RASSF2: variants seen among roughly 807,000 people sequenced by gnomAD.
The protein encoded by RASSF2 is ras association domain-containing protein 2.
A neutral mutation model predicts 46.3 loss-of-function variants in RASSF2; 34 were observed. The ratio of observed to expected loss-of-function variants is 0.73; its 90% CI spans 0.56 to 0.98. The LOEUF (loss-of-function observed/expected upper bound fraction) is 0.98. Ranked by LOEUF, RASSF2 falls within the 50% of genes least tolerant of loss-of-function variation. RASSF2 has a pLI of 0.00. For missense variants in RASSF2, 364 were observed against 431.2 expected, an observed-to-expected ratio of 0.84 and a Z score of 1.38; for synonymous variants, 158 against 162.5, an observed-to-expected ratio of 0.97 and a Z score of 0.21.
Position 4,790,799 on chromosome 20 carries a change from A to G in RASSF2, c.377-188T>C, listed in dbSNP as rs1925809116. ...AGAACCTATACAAGGAAAAGTTCAG[A>G]GAACAGACTTCAGAGCCGGACTCCC... On this transcript the variant is annotated intron_variant, in intron 6 of 11. Transcript: ENST00000379400. This position sits in a 1 kb window ranked among gnomAD's most constrained non-coding sequence, Gnocchi z 4.3. 6.6e-6 allele frequency among the ~76,000 whole-genome samples: 1 copy of G among 152,254 alleles called. No homozygotes were observed. The highest frequency in any genetic ancestry group is 2.4e-5 in the African/African-American group (1 of 41,472).
At chr20:4,794,773 G>A (rs934812305) in intron 5 of RASSF2, among the ~76,000 whole-genome samples, 1 of 152,176 alleles carries the variant, frequency 6.6e-6, no homozygotes, top group Non-Finnish European at 1.5e-5. Flanking sequence ...TGCAAAGTTA[G>A]ATGAAACCAA....
rs956494134 is a variant in RASSF2 at position 4,782,589 on chromosome 20, A to G, written c.*1684T>C. On this transcript the variant is annotated 3_prime_UTR_variant, in exon 12 of 12. Coordinates refer to ENST00000379400, the MANE Select transcript of RASSF2 (RefSeq NM_014737.3). Reference sequence around the variant, plus strand: ...GGCGAAATGCCAGGGGCCGCATGCCATCTTTCTGCAGTCTACGTTAAGACC... The same window carrying G: ...GGCGAAATGCCAGGGGCCGCATGCCGTCTTTCTGCAGTCTACGTTAAGACC... 1 of 152,436 alleles carries G rather than the reference A, an allele frequency of 6.6e-6. No individual in the cohort carries two copies. The highest frequency in any genetic ancestry group is 1.5e-5 in the Non-Finnish European group (1 of 68,072). The allele number at this position is 152,436 out of a possible 1,614,324, so 9.4% of individuals were successfully genotyped here.
rs907084313 is a variant in RASSF2, at chr20:4,795,683, T to G, written c.287+132A>C. The G allele has an allele frequency of 5.4e-6, 6 of 1,100,956 alleles. No homozygotes were observed. Among genetic ancestry groups the G allele is most frequent in the Non-Finnish European group, 7.7e-6 (6 of 783,480 alleles). 68.2% of individuals were successfully genotyped at this position (1,100,956 alleles called of 1,614,324 possible). ...TTCCTCATTCCAAGGCTAAGGCAGG[T>G]GGGCAGTAGAGGTAGTAGGAGGAGG... On this transcript the variant is annotated intron_variant, in intron 5 of 11. Transcript: ENST00000379400. This position sits in a 1 kb window ranked among gnomAD's most constrained non-coding sequence, Gnocchi z 4.0.
At chr20:4,813,250 C>G (rs1927981241) in intron 2 of RASSF2, among the ~76,000 whole-genome samples, 1 of 152,208 alleles carries the variant, frequency 6.6e-6, no homozygotes, top group Admixed American at 6.5e-5. Flanking sequence ...GCCTGGCCCA[C>G]CGACACAGGA....
chr20:4,789,321 G>A (rs6052877), intron 8 of RASSF2, among the ~76,000 whole-genome samples: 1 of 152,116 alleles, frequency 6.6e-6, no homozygotes, highest in Admixed American at 6.5e-5. Context: ...ATCCCCTGCA[G>A]GCTTGTTAGA....
At chr20:4,817,455 C>G (rs1393960249) in intron 2 of RASSF2, among the ~76,000 whole-genome samples, 1 of 152,210 alleles carries the variant, frequency 6.6e-6, no homozygotes, top group Non-Finnish European at 1.5e-5. Flanking sequence ...TTTCTCCACA[C>G]AGACTTTTCT....
intron 2 of RASSF2, among the ~76,000 whole-genome samples, chr20:4,819,484 G>A (rs1256045493): frequency 6.6e-6 from 1 of 152,182 alleles, no homozygotes; most frequent in African/African-American, 2.4e-5. Flanking sequence ...GGAATTCTTA[G>A]AGACAGCACA....
chr20:4,795,713 A>G lies in RASSF2; in HGVS notation c.287+102T>C, dbSNP rs954283426. 3 of 1,401,960 alleles carry G rather than the reference A, an allele frequency of 2.1e-6. No homozygotes were observed. The Admixed American group carries it at 6.7e-5, about 31-fold the overall frequency. 86.8% of individuals were successfully genotyped at this position (1,401,960 alleles called of 1,614,324 possible). A position where few individuals can be genotyped will look rare whatever the true frequency, so the allele number is the denominator to read the frequency against. ...AGTAGAGGTAGTAGGAGGAGGAGCC[A>G]GGGTCAGGGCTGGCTGGAAGAAGGC... On this transcript the variant is annotated intron_variant, in intron 5 of 11. Coordinates refer to ENST00000379400, the MANE Select transcript of RASSF2 (RefSeq NM_014737.3). This position sits in a 1 kb window ranked among gnomAD's most constrained non-coding sequence, Gnocchi z 4.0.
rs556610628 is a variant in RASSF2 at position 4,793,636 on chromosome 20, A to T, written c.288-1009T>A. Among the ~76,000 whole-genome samples, 97 of 147,524 alleles carry T rather than the reference A, an allele frequency of 6.6e-4. 2 individuals carry two copies. The East Asian group carries it at 0.011, about 17-fold the overall frequency. On this transcript the variant is annotated intron_variant, in intron 5 of 11. Transcript: ENST00000379400. ...AGCAGGAACCGGTCTCAGCATCCTT[A>T]TTTTTTTTTTTTATTTTATTTTTTT...
In RASSF2 at chr20:4,798,011, TC is replaced by T. The variant is rs747608650; in HGVS notation, c.133del (p.Glu45ArgfsTer12). 2.2e-5 allele frequency: 36 copies of T among 1,613,552 alleles called. No homozygotes were observed. The highest frequency in any genetic ancestry group is 3.3e-5 in the Admixed American group (2 of 59,978). On this transcript the variant is annotated frameshift_variant and splice_region_variant, in exon 4 of 12. Coordinates refer to ENST00000379400, the MANE Select transcript of RASSF2 (RefSeq NM_014737.3). LOFTEE classifies it high-confidence loss of function. ...EGQNLQLRHR[E>X]EEDEFIVEGL... The stretch of plus-strand genomic sequence containing the variant: ...GGGCCGTCCCTGGGGACTCCTTACC[TC>T]CCGGTGCCGGAGCTGTAAATTCTGG...
At chr20:4,800,539 C>A (rs1050153841) in intron 3 of RASSF2, among the ~76,000 whole-genome samples, 4 of 152,188 alleles carry the variant, frequency 2.6e-5, no homozygotes, top group Admixed American at 6.5e-5. Context: ...TCTCCCTTGG[C>A]CTTTTATAAG....
chr20:4,789,812 C>T (rs192743436), intron 7 of RASSF2, 115 bp from the exon 8 acceptor site: 410 of 826,996 alleles, frequency 5.0e-4, no homozygotes, highest in Non-Finnish European at 7.1e-4. Flanking sequence ...TCCCTGGGAG[C>T]CCCCGGCAGA....
intron 2 of RASSF2, among the ~76,000 whole-genome samples, chr20:4,806,070 C>T (rs1927319332): frequency 6.6e-6 from 1 of 152,058 alleles, no homozygotes; most frequent in African/African-American, 2.4e-5. Flanking sequence ...GGGGACAGGG[C>T]CTAGAGCAGG....
At chr20:4,799,117 A>G (rs1353839602) in intron 3 of RASSF2, among the ~76,000 whole-genome samples, 1 of 152,190 alleles carries the variant, frequency 6.6e-6, no homozygotes, top group African/African-American at 2.4e-5. Flanking sequence ...AGTGACAAGA[A>G]GTGGGCATGA....
At position 4,782,394 on chromosome 20, in the gene RASSF2, G is replaced by A. The variant is rs1487265144; in HGVS notation, c.*1879C>T. On this transcript the variant is annotated 3_prime_UTR_variant, in exon 12 of 12. Transcript: ENST00000379400. ...AACTCAGGAGGTGTTTGCATTCACA[G>A]AACTGTTCTTTCCCAGCTGTAACAA... is the stretch of plus-strand genomic sequence containing the variant. 6.5e-6 allele frequency: 1 copy of A among 152,672 alleles called. No homozygotes were observed. Among genetic ancestry groups the A allele is most frequent in the Non-Finnish European group, 1.5e-5 (1 of 68,038 alleles). 9.5% of individuals were successfully genotyped at this position (152,672 alleles called of 1,614,324 possible).
At position 4,790,698 on chromosome 20, in the gene RASSF2, C is replaced by T; in HGVS notation, c.377-87G>A. On this transcript the variant is annotated intron_variant, in intron 6 of 11. Transcript: ENST00000379400. This position sits in a 1 kb window ranked among gnomAD's most constrained non-coding sequence, Gnocchi z 4.3. ...CAATTTGTGGCCAGTGCGACAGCAC[C>T]CACTGTCTCCACAAATATATATTTT... 1.1e-6 allele frequency: 1 copy of T among 933,332 alleles called. No individual in the cohort carries two copies. Among genetic ancestry groups the T allele is most frequent in the South Asian group, 2.1e-5 (1 of 48,578 alleles). 57.8% of individuals were successfully genotyped at this position (933,332 alleles called of 1,614,324 possible).
chr20:4,809,612 TC>T (rs1927611942), intron 2 of RASSF2, among the ~76,000 whole-genome samples: 1 of 152,150 alleles, frequency 6.6e-6, no homozygotes, highest in South Asian at 2.1e-4. Context: ...GATTACTGCT[TC>T]CAGGAAGGGG....
At chr20:4,801,128 G>A in intron 2 of RASSF2, 66 bp from the exon 3 acceptor site, 1 of 1,282,406 alleles carries the variant, frequency 7.8e-7, no homozygotes, top group Non-Finnish European at 1.1e-6. Flanking sequence ...AGCAGAACTT[G>A]GGGTGGGGAG....
At position 4,787,742 on chromosome 20, in the gene RASSF2, A is replaced by G. The variant is rs1445343355; in HGVS notation, c.704T>C (p.Leu235Pro). The change falls in exon 10 of 12, where the codon CTG becomes CCG. Residue 235 changes from leucine to proline, a missense_variant. Physicochemically the swap from Leu to Pro is moderately conservative, Grantham distance 98. Coordinates refer to ENST00000379400, the MANE Select transcript of RASSF2 (RefSeq NM_014737.3). ...VVHTSGEKQK[L>P]KATDYPLIAR... ...AATCAGCGGGTAATCGGTGGCCTTC[A>G]GCTTCTGTTTCTCTGCAACCACACA... The G allele has an allele frequency of 6.2e-7, 1 of 1,614,008 alleles. No individual in the cohort carries two copies. Among genetic ancestry groups the G allele is most frequent in the Non-Finnish European group, 8.5e-7 (1 of 1,180,024 alleles).
Sources: gnomAD v4.1 joint callset for allele counts (sites outside exome capture counted in the v4.1 genomes callset) on GRCh38, gnomAD v4.1.1 for gene constraint, Gnocchi (gnomAD v3.1) non-coding constraint, MANE v1.5 for transcripts, NCBI Gene and HGNC (gene_info 2026-07-23, HGNC 2026-07-21) for gene names.